The following TNS3 variants were observed in gnomAD, a reference collection of about 807,000 sequenced individuals.
TNS3 encodes tensin 3.
Under a neutral mutation model 140.9 loss-of-function variants are expected in TNS3, and 45 were observed. The observed-to-expected ratio is 0.32, with a 90% CI of 0.25 to 0.41. The LOEUF (loss-of-function observed/expected upper bound fraction) is 0.41, where lower values mean the gene tolerates loss of function less well. Ranked by LOEUF, TNS3 falls within the 10% of genes least tolerant of loss-of-function variation. The pLI, the probability that TNS3 is intolerant of heterozygous loss-of-function variation, is 1.00. For synonymous variants in TNS3, 815 were observed against 788.4 expected (o/e 1.03, Z -0.56); for missense variants, 1,716 against 1,906.7 (o/e 0.90, Z 1.86).
intron 13 of TNS3, among the ~76,000 whole-genome samples, chr7:47,404,082 T>A (rs1480510302): frequency 1.3e-5 from 2 of 152,262 alleles, no homozygotes; most frequent in Non-Finnish European, 2.9e-5. Flanking sequence ...TTTTAGAATA[T>A]CTGCATTTAA....
At chr7:47,441,278 A>T (rs1388964360) in intron 5 of TNS3, among the ~76,000 whole-genome samples, 1 of 152,120 alleles carries the variant, frequency 6.6e-6, no homozygotes, top group Non-Finnish European at 1.5e-5. Context: ...TCCTGGGTTA[A>T]AGGGATTCTC....
In TNS3 at chr7:47,279,947, AAAT is replaced by A. The variant is rs1439176904; in HGVS notation, c.4193+214_4193+216del. 3 of 613,024 alleles carry A rather than the reference AAAT, an allele frequency of 4.9e-6. No individual in the cohort carries two copies. The Admixed American group carries it at 8.9e-5, about 18-fold the overall frequency. 38.0% of individuals were successfully genotyped at this position (613,024 alleles called of 1,614,324 possible). ...TGCCACAGTGTTATATGACACATGT[AAAT>A]ATTGCACATCCAGCCAACAGCCGGC... is the stretch of plus-strand genomic sequence containing the variant. On this transcript the variant is annotated intron_variant, in intron 30 of 30. Coordinates refer to ENST00000311160, the MANE Select transcript of TNS3 (RefSeq NM_022748.12).
intron 20 of TNS3, among the ~76,000 whole-genome samples, chr7:47,310,560 A>G (rs1787029951): frequency 6.6e-6 from 1 of 152,202 alleles, no homozygotes; most frequent in Admixed American, 6.5e-5. Context: ...AAAAATGATC[A>G]TCAATGCCAG....
intron 20 of TNS3, among the ~76,000 whole-genome samples, chr7:47,320,702 G>A (rs1310692182): frequency 6.6e-6 from 1 of 152,182 alleles, no homozygotes. Flanking sequence ...AGTCACCACT[G>A]TAAAGGCCCT....
chr7:47,497,491 C>T (rs1431471138), intron 3 of TNS3, among the ~76,000 whole-genome samples: 1 of 152,148 alleles, frequency 6.6e-6, no homozygotes, highest in African/African-American at 2.4e-5. Flanking sequence ...AAAGCAGAGT[C>T]AGGATCCAGA....
intron 4 of TNS3, among the ~76,000 whole-genome samples, chr7:47,474,353 C>T (rs1381880994): frequency 5.5e-5 from 8 of 146,028 alleles, no homozygotes; most frequent in Non-Finnish European, 9.0e-5. Flanking sequence ...CACCTCACAA[C>T]ACACACAAAA....
chr7:47,476,246 G>C (rs1173459638), intron 4 of TNS3, among the ~76,000 whole-genome samples: 3 of 152,184 alleles, frequency 2.0e-5, no homozygotes, highest in Admixed American at 6.5e-5. Flanking sequence ...ACTCCATTCA[G>C]GGCCACACAG....
chr7:47,554,270 T>G (rs1800137683), intron 1 of TNS3, among the ~76,000 whole-genome samples: 1 of 151,242 alleles, frequency 6.6e-6, no homozygotes, highest in Non-Finnish European at 1.5e-5. Flanking sequence ...ATACAAAAAT[T>G]AGCCAGGCAT....
At chr7:47,379,322 C>T (rs1013322145) in intron 16 of TNS3, among the ~76,000 whole-genome samples, 3 of 152,152 alleles carry the variant, frequency 2.0e-5, no homozygotes, top group Non-Finnish European at 4.4e-5. Context: ...TCGTTTTTTC[C>T]ATGTGGACAT....
At chr7:47,425,296 G>T (rs1794588538) in intron 9 of TNS3, among the ~76,000 whole-genome samples, 1 of 152,128 alleles carries the variant, frequency 6.6e-6, no homozygotes, top group African/African-American at 2.4e-5. Flanking sequence ...CAGCCTGGGT[G>T]ACAGAGTGAG....
chr7:47,548,462 C>A (rs1010420337), intron 1 of TNS3, among the ~76,000 whole-genome samples: 2 of 152,178 alleles, frequency 1.3e-5, no homozygotes, highest in Non-Finnish European at 2.9e-5. Flanking sequence ...TTCCATAAGT[C>A]ACCACCTAGC....
chr7:47,303,309 G>A lies in TNS3; in HGVS notation c.3098C>T (p.Pro1033Leu), dbSNP rs778933799. The change falls in exon 22 of 31, where the codon CCC becomes CTC. Residue 1033 changes from proline to leucine, a missense_variant. Transcript: ENST00000311160. ...GTAPVGSGLP[P>L]EEDLGALLAN... ...CAGCAAGGCCCCCAGGTCCTCCTCG[G>A]GCGGAAGGCCACTTCCCACTGGGGC... 1.9e-6 allele frequency: 3 copies of A among 1,613,484 alleles called. No individual in the cohort carries two copies. Among genetic ancestry groups the A allele is most frequent in the Middle Eastern group, 1.7e-4 (1 of 6,052 alleles).
chr7:47,368,322 G>T, intron 17 of TNS3, 43 bp downstream of exon 17: 1 of 1,434,952 alleles, frequency 7.0e-7, no homozygotes, highest in Non-Finnish European at 9.1e-7. Flanking sequence ...AGCCTCCCGT[G>T]GAGCACCTCC....
chr7:47,553,079 A>G (rs10228844), intron 1 of TNS3, among the ~76,000 whole-genome samples: 148,494 of 152,332 alleles, frequency 0.97, 72,489 homozygotes, highest in East Asian at 1. Context: ...CTTCAATTCT[A>G]TGCAGACTCA....
At chr7:47,287,186 A>G (rs1383880918) in intron 27 of TNS3, among the ~76,000 whole-genome samples, 1 of 152,236 alleles carries the variant, frequency 6.6e-6, no homozygotes, top group Non-Finnish European at 1.5e-5. Context: ...GGCTACTGAA[A>G]AGAAGTAAGT....
intron 17 of TNS3, among the ~76,000 whole-genome samples, chr7:47,362,428 G>A (rs371342048): frequency 5.9e-5 from 9 of 152,218 alleles, no homozygotes; most frequent in African/African-American, 2.2e-4. Flanking sequence ...AGTAGTTCAG[G>A]TCTCAAAAGG....
intron 16 of TNS3, among the ~76,000 whole-genome samples, chr7:47,377,857 C>T (rs1419490509): frequency 6.7e-6 from 1 of 149,268 alleles, no homozygotes; most frequent in Non-Finnish European, 1.5e-5. Flanking sequence ...AATGGAAACC[C>T]TCTCTCCTTG....
intron 4 of TNS3, among the ~76,000 whole-genome samples, chr7:47,465,690 C>T (rs559764453): frequency 6.6e-6 from 1 of 152,146 alleles, no homozygotes; most frequent in Admixed American, 6.5e-5. Context: ...TTTGGGAGGC[C>T]GAGGTGGGAG....
intron 1 of TNS3, among the ~76,000 whole-genome samples, chr7:47,564,135 A>C (rs895863960): frequency 7.0e-6 from 1 of 143,304 alleles, no homozygotes; most frequent in African/African-American, 2.6e-5. Flanking sequence ...TGGAGCTTGC[A>C]GTGAGCCGAG....
Sources: allele counts gnomAD v4.1 joint callset (sites outside exome capture counted in the v4.1 genomes callset), GRCh38; gene constraint gnomAD v4.1.1; transcripts MANE v1.5; gene names NCBI Gene and HGNC (gene_info 2026-07-23, HGNC 2026-07-21).